The following PPP6R2 variants were observed in gnomAD, a reference collection of about 807,000 sequenced individuals.
PPP6R2 encodes the protein protein phosphatase 6 regulatory subunit 2, also known as serine/threonine-protein phosphatase 6 regulatory subunit 2.
PPP6R2 carries 62 observed loss-of-function variants against 100.2 expected under a neutral mutation model. The ratio of observed to expected loss-of-function variants is 0.62; its 90% CI spans 0.50 to 0.76. The LOEUF (loss-of-function observed/expected upper bound fraction) is 0.76. Among genes scored for constraint, PPP6R2 ranks in the 30% least tolerant of loss-of-function variants. The pLI is 0.00. For synonymous variants in PPP6R2, 525 were observed against 514.7 expected, an observed-to-expected ratio of 1.02 and a Z score of -0.27; for missense variants, 1,142 against 1,276.3, an observed-to-expected ratio of 0.89 and a Z score of 1.60.
chr22:50,341,877 C>T (rs2042431700), upstream of PPP6R2, among the ~76,000 whole-genome samples: 1 of 152,128 alleles, frequency 6.6e-6, no homozygotes, highest in African/African-American at 2.4e-5. Context: ...CCTGTAGTCC[C>T]AGCTACTCGG....
intron 1 of PPP6R2, among the ~76,000 whole-genome samples, chr22:50,369,183 A>G (rs1602449611): frequency 6.6e-6 from 1 of 151,926 alleles, no homozygotes; most frequent in East Asian, 1.9e-4. Context: ...GGTTGTGGTG[A>G]GCCGAGATCA....
chr22:50,406,821 C>A lies in PPP6R2; in HGVS notation c.360C>A (p.Leu120=). 1 of 1,614,104 alleles carries A rather than the reference C, an allele frequency of 6.2e-7. No individual in the cohort carries two copies. Residue 120 remains leucine (L), a synonymous_variant, in exon 4 of 24, where the codon CTC becomes CTA. Transcript: ENST00000612753. ...LDHEPPLNPL[L]ASFFSKTIGN... ...ATGAGCCGCCTCTCAATCCTCTGCT[C>A]GCCAGTTTTTTCAGCAAGACCATTG...
intron 10 of PPP6R2, among the ~76,000 whole-genome samples, chr22:50,427,911 A>AG (rs1020536602): frequency 3.3e-4 from 51 of 152,292 alleles, no homozygotes; most frequent in African/African-American, 1.2e-3. Flanking sequence ...TAGTAGAGAC[A>AG]GGGTTTCACC....
intron 2 of PPP6R2, among the ~76,000 whole-genome samples, chr22:50,378,985 T>C (rs144264227): frequency 9.7e-4 from 147 of 152,190 alleles, no homozygotes; most frequent in Non-Finnish European, 1.7e-3. Flanking sequence ...TGAGGGAGTC[T>C]GTTAGTCCCT....
At chr22:50,430,890 A>G (rs981272320) in intron 10 of PPP6R2, among the ~76,000 whole-genome samples, 1 of 151,816 alleles carries the variant, frequency 6.6e-6, no homozygotes, top group Non-Finnish European at 1.5e-5. Context: ...AAAAAAAAAA[A>G]AGAATAAACC....
chr22:50,437,319 G>A (rs186713300), intron 15 of PPP6R2, among the ~76,000 whole-genome samples, 187 bp from the exon 16 acceptor site: 11 of 152,346 alleles, frequency 7.2e-5, no homozygotes, highest in African/African-American at 2.6e-4. Flanking sequence ...AGATGTGACC[G>A]CAGCGAGCGC....
chr22:50,391,995 C>A (rs1035525813), intron 2 of PPP6R2: 1 of 151,048 alleles, frequency 6.6e-6, no homozygotes, highest in Admixed American at 6.6e-5. Flanking sequence ...CACTTCTTTC[C>A]CTGGATTGTG....
chr22:50,439,879 G>A, intron 20 of PPP6R2, 22 bp downstream of exon 20: 1 of 1,609,480 alleles, frequency 6.2e-7, no homozygotes, highest in Non-Finnish European at 8.5e-7. Context: ...GCTGGCAGGA[G>A]GGGGCTGTGC....
chr22:50,339,053 T>G (rs1470551314), upstream of PPP6R2, among the ~76,000 whole-genome samples: 3 of 123,622 alleles, frequency 2.4e-5, no homozygotes, highest in Non-Finnish European at 4.9e-5. Flanking sequence ...ATGTAGTGTG[T>G]TATGTGGTGT....
At chr22:50,335,729 G>T in the PPP6R2 span, among the ~76,000 whole-genome samples, 1 of 138,828 alleles carries the variant, frequency 7.2e-6, no homozygotes, top group Admixed American at 7.5e-5. Flanking sequence ...AGGCTTGAGA[G>T]CAGTGGCGCA....
At chr22:50,387,349 A>G (rs2054461021) in intron 2 of PPP6R2, among the ~76,000 whole-genome samples, 1 of 152,146 alleles carries the variant, frequency 6.6e-6, no homozygotes, top group South Asian at 2.1e-4. Context: ...GATTACAAGC[A>G]TGAGCCATGT....
intron 1 of PPP6R2, among the ~76,000 whole-genome samples, chr22:50,351,828 C>G (rs2045346518): frequency 6.6e-6 from 1 of 151,768 alleles, no homozygotes. Flanking sequence ...GAGTCTTGCT[C>G]TGTCACCCAG....
chr22:50,373,890 T>C (rs1186389830), intron 2 of PPP6R2, among the ~76,000 whole-genome samples: 1 of 152,098 alleles, frequency 6.6e-6, no homozygotes, highest in Non-Finnish European at 1.5e-5. Flanking sequence ...CCAGCCACCA[T>C]GCCTGGCTGA....
chr22:50,438,393 A>G, intron 18 of PPP6R2, 95 bp downstream of exon 18: 1 of 1,539,068 alleles, frequency 6.5e-7, no homozygotes, highest in South Asian at 1.3e-5. Context: ...GCTGGCTTGC[A>G]GAGCAGCCAC....
At chr22:50,362,589 T>A (rs1001983811) in intron 1 of PPP6R2, among the ~76,000 whole-genome samples, 1 of 152,156 alleles carries the variant, frequency 6.6e-6, no homozygotes, top group Non-Finnish European at 1.5e-5. Flanking sequence ...GGGACTGAAT[T>A]GTGTCGTGTC....
chr22:50,361,339 G>A (rs944428928), intron 1 of PPP6R2, among the ~76,000 whole-genome samples: 2 of 152,168 alleles, frequency 1.3e-5, no homozygotes, highest in Admixed American at 6.6e-5. Context: ...AGCCCATGAC[G>A]TTGCGCTAGT....
intron 10 of PPP6R2, among the ~76,000 whole-genome samples, chr22:50,430,924 T>A: frequency 6.7e-6 from 1 of 148,920 alleles, no homozygotes; most frequent in African/African-American, 2.5e-5. Context: ...AAGGTGATGA[T>A]TCAGATTGAA....
At chr22:50,439,360 G>A (rs72490270) in intron 19 of PPP6R2, among the ~76,000 whole-genome samples, 1,559 of 152,276 alleles carry the variant, frequency 0.01, 11 homozygotes, top group South Asian at 0.026. Context: ...AGTGGTGCTC[G>A]GTGAGCTGCC....
At chr22:50,406,616 G>C in intron 3 of PPP6R2, 73 bp from the exon 4 acceptor site, 1 of 1,423,588 alleles carries the variant, frequency 7.0e-7, no homozygotes, top group Non-Finnish European at 9.7e-7. Flanking sequence ...CTAAGAAGCA[G>C]ACTATGTAAG....
Sources: gnomAD v4.1 joint callset for allele counts (sites outside exome capture counted in the v4.1 genomes callset) on GRCh38, gnomAD v4.1.1 for gene constraint, MANE v1.5 for transcripts, NCBI Gene and HGNC (gene_info 2026-07-23, HGNC 2026-07-21) for gene names.